Variants in GLIS3 observed in about 807,000 individuals in gnomAD.
GLIS3 encodes the protein zinc finger protein GLIS3.
GLIS3 carries 53 observed loss-of-function variants against 78.6 expected under a neutral mutation model. The ratio of observed to expected loss-of-function variants is 0.67; its 90% CI spans 0.54 to 0.85. GLIS3 has a LOEUF of 0.85. Ranked by LOEUF, GLIS3 falls within the 40% of genes least tolerant of loss-of-function variation. GLIS3 has a pLI of 0.00. For missense variants in GLIS3, 1,703 were observed against 1,231.1 expected (o/e 1.38, Z -5.74); for synonymous variants, 684 against 509.9 (o/e 1.34, Z -4.60).
the GLIS3 span, among the ~76,000 whole-genome samples, chr9:4,370,595 G>A: frequency 6.6e-6 from 1 of 152,064 alleles, no homozygotes; most frequent in African/African-American, 2.4e-5. Context: ...CGTGTGGAAG[G>A]ACAGAAGAAC....
chr9:3,937,904 A>G (rs552204493), intron 4 of GLIS3, among the ~76,000 whole-genome samples: 52 of 152,330 alleles, frequency 3.4e-4, no homozygotes, highest in African/African-American at 1.2e-3. Context: ...TAGACATTTC[A>G]TTATCTAATT....
the GLIS3 span, among the ~76,000 whole-genome samples, chr9:4,369,144 A>C: frequency 6.6e-6 from 1 of 152,044 alleles, no homozygotes; most frequent in African/African-American, 2.4e-5. Flanking sequence ...TTTGCACATT[A>C]TTAAGACTAG....
intron 2 of GLIS3, among the ~76,000 whole-genome samples, chr9:4,228,887 G>A (rs1198728917): frequency 1.3e-5 from 2 of 152,106 alleles, no homozygotes; most frequent in Non-Finnish European, 2.9e-5. Context: ...CCCACCAGAA[G>A]GGCCAGAGAA....
chr9:4,364,807 C>T, the GLIS3 span, among the ~76,000 whole-genome samples: 3 of 106,748 alleles, frequency 2.8e-5, no homozygotes, highest in East Asian at 3.2e-4. Context: ...CTATGTTGCC[C>T]TATTGACCAG....
intron 2 of GLIS3, chr9:4,152,174 C>T (rs761083460): frequency 4.4e-5 from 42 of 959,270 alleles, no homozygotes; most frequent in Non-Finnish European, 4.8e-5. Flanking sequence ...ACCCTTCAAC[C>T]ATAAAGGATG....
At chr9:3,853,860 T>C (rs73640773) in intron 9 of GLIS3, among the ~76,000 whole-genome samples, 1,539 of 152,348 alleles carry the variant, frequency 0.01, 26 homozygotes, top group African/African-American at 0.034. Context: ...TTTAAAAATG[T>C]GTTTCACAGT....
intron 2 of GLIS3, among the ~76,000 whole-genome samples, chr9:4,249,829 GCT>G (rs1403673139): frequency 0.012 from 1,836 of 152,310 alleles, 42 homozygotes; most frequent in African/African-American, 0.042. Flanking sequence ...TTAGCATGAA[GCT>G]GTGTTGAATT....
At chr9:4,048,478 C>G (rs1825436701) in intron 4 of GLIS3, among the ~76,000 whole-genome samples, 1 of 152,010 alleles carries the variant, frequency 6.6e-6, no homozygotes, top group South Asian at 2.1e-4. Flanking sequence ...AAGCCATTCT[C>G]ATAAATAGAA....
At chr9:4,074,490 T>G (rs926964521) in intron 4 of GLIS3, among the ~76,000 whole-genome samples, 1 of 152,198 alleles carries the variant, frequency 6.6e-6, no homozygotes, top group African/African-American at 2.4e-5. Context: ...CGGTTCTCCA[T>G]CTCTTCTGTG....
chr9:4,474,941 T>C, the GLIS3 span, among the ~76,000 whole-genome samples: 2 of 151,340 alleles, frequency 1.3e-5, no homozygotes, highest in Admixed American at 1.3e-4. Context: ...AACAGAACTC[T>C]GCTCCAAACT....
chr9:4,020,031 A>G (rs2130133270), intron 4 of GLIS3, among the ~76,000 whole-genome samples: 1 of 152,296 alleles, frequency 6.6e-6, no homozygotes, highest in Admixed American at 6.5e-5. Context: ...GATTACAGGC[A>G]TGAGCCACTG....
At chr9:4,226,102 G>A (rs1265686916) in intron 2 of GLIS3, among the ~76,000 whole-genome samples, 1 of 152,070 alleles carries the variant, frequency 6.6e-6, no homozygotes, top group Non-Finnish European at 1.5e-5. Flanking sequence ...TCAAACATAC[G>A]CTGGTTTAAA....
intron 3 of GLIS3, 52 bp downstream of exon 3, chr9:4,125,682 G>C (rs959075260): frequency 1.2e-5 from 15 of 1,221,490 alleles, no homozygotes; most frequent in Non-Finnish European, 1.7e-5. Context: ...GAAAACACTT[G>C]TGGGGTGTGT....
the GLIS3 span, among the ~76,000 whole-genome samples, chr9:4,462,627 ACACACAGACACG>A: frequency 1.3e-4 from 19 of 147,204 alleles, no homozygotes; most frequent in African/African-American, 5.0e-4. Context: ...ACACACACAC[ACACACAGACACG>A]CACACACACA....
At chr9:4,414,484 G>C in the GLIS3 span, among the ~76,000 whole-genome samples, 5 of 152,068 alleles carry the variant, frequency 3.3e-5, no homozygotes, top group Non-Finnish European at 7.4e-5. Context: ...GTGATATTGG[G>C]GTGGTCAAAC....
intron 4 of GLIS3, among the ~76,000 whole-genome samples, chr9:4,024,003 G>A (rs903010614): frequency 6.6e-6 from 1 of 150,420 alleles, no homozygotes. Context: ...CATTCATAGA[G>A]GATAAAATTA....
chr9:3,851,794 T>C (rs1241868772), intron 9 of GLIS3, among the ~76,000 whole-genome samples: 1 of 152,232 alleles, frequency 6.6e-6, no homozygotes, highest in Non-Finnish European at 1.5e-5. Flanking sequence ...TGGAAAAATA[T>C]AAATGTATAT....
chr9:3,856,889 TTGA>T (rs1020951407), intron 8 of GLIS3, among the ~76,000 whole-genome samples: 5 of 152,096 alleles, frequency 3.3e-5, no homozygotes, highest in African/African-American at 1.2e-4. Flanking sequence ...GGGGGACATG[TTGA>T]TGTTTAAATA....
chr9:4,270,755 G>C (rs1198796055), intron 2 of GLIS3, among the ~76,000 whole-genome samples: 2 of 152,192 alleles, frequency 1.3e-5, no homozygotes, highest in Non-Finnish European at 2.9e-5. Context: ...TCTGCCTTCA[G>C]CCTCAGGCTG....
Sources: allele counts gnomAD v4.1 joint callset (sites outside exome capture counted in the v4.1 genomes callset), GRCh38; gene constraint gnomAD v4.1.1; transcripts MANE v1.5; gene names NCBI Gene and HGNC (gene_info 2026-07-23, HGNC 2026-07-21).